Variants in BLNK observed in about 807,000 individuals in gnomAD.
BLNK encodes the protein B-cell linker protein.
Under a neutral mutation model 73.5 loss-of-function variants are expected in BLNK, and 29 were observed. The ratio of observed to expected loss-of-function variants is 0.39; its 90% CI spans 0.29 to 0.54. The LOEUF (loss-of-function observed/expected upper bound fraction) is 0.54. BLNK is among the 20% of genes least tolerant of loss of function. The probability of loss-of-function intolerance (pLI) is 0.61; values close to 1 mark genes in which losing one functional copy is unlikely to be tolerated. For missense variants in BLNK, 460 were observed against 562.8 expected (o/e 0.82, Z 1.85); for synonymous variants, 176 against 200.8 (o/e 0.88, Z 1.04).
At chr10:96,250,697 T>C (rs1241321553) in intron 1 of BLNK, among the ~76,000 whole-genome samples, 1 of 152,196 alleles carries the variant, frequency 6.6e-6, no homozygotes, top group African/African-American at 2.4e-5. Flanking sequence ...GATTTTGCTG[T>C]GGATGTAAAT....
intron 16 of BLNK, among the ~76,000 whole-genome samples, chr10:96,195,246 G>T (rs2083436496): frequency 6.6e-6 from 1 of 152,188 alleles, no homozygotes; most frequent in African/African-American, 2.4e-5. Context: ...ATGGAAAAAA[G>T]TATGGGAGGT....
intron 8 of BLNK, among the ~76,000 whole-genome samples, chr10:96,212,620 T>A (rs1239642216): frequency 6.6e-6 from 1 of 152,114 alleles, no homozygotes; most frequent in African/African-American, 2.4e-5. Context: ...CTGCACCAGA[T>A]TTACTATATC....
intron 6 of BLNK, among the ~76,000 whole-genome samples, chr10:96,220,362 G>A (rs2084169462): frequency 6.6e-6 from 1 of 152,148 alleles, no homozygotes; most frequent in Non-Finnish European, 1.5e-5. Flanking sequence ...TTTCTGGAAT[G>A]GAGACATTTG....
chr10:96,194,112 C>A (rs2133917502), intron 16 of BLNK, among the ~76,000 whole-genome samples: 1 of 152,224 alleles, frequency 6.6e-6, no homozygotes, highest in South Asian at 2.1e-4. Flanking sequence ...TTCCTGTTTA[C>A]CAGAGTTTCC....
At chr10:96,242,628 T>A (rs1411564762) in intron 3 of BLNK, 107 bp downstream of exon 3, 1 of 1,109,442 alleles carries the variant, frequency 9.0e-7, no homozygotes, top group Non-Finnish European at 1.4e-6. Context: ...AAAAGATACC[T>A]TTTGTTTTCA....
chr10:96,240,996 T>C (rs1201149484), intron 3 of BLNK, among the ~76,000 whole-genome samples: 4 of 152,254 alleles, frequency 2.6e-5, no homozygotes, highest in Non-Finnish European at 5.9e-5. Flanking sequence ...CCTCTTTTAG[T>C]GCCAGACTGT....
At chr10:96,216,336 C>T (rs1295301271) in intron 7 of BLNK, 10 of 355,886 alleles carry the variant, frequency 2.8e-5, no homozygotes, top group Non-Finnish European at 5.3e-5. Context: ...TGGCTTGTGA[C>T]ATTGTATTAG....
At chr10:96,193,452 A>G (rs977995382) in intron 16 of BLNK, among the ~76,000 whole-genome samples, 2 of 152,182 alleles carry the variant, frequency 1.3e-5, no homozygotes, top group African/African-American at 4.8e-5. Context: ...TAGTCCCTGA[A>G]TATTTGTGAG....
chr10:96,199,440 C>G, intron 15 of BLNK: 1 of 452,044 alleles, frequency 2.2e-6, no homozygotes, highest in South Asian at 1.6e-5. Flanking sequence ...CTGTTCACTC[C>G]TCAGTGGAGC....
chr10:96,222,273 A>G (rs1376421885), intron 6 of BLNK, among the ~76,000 whole-genome samples: 2 of 152,216 alleles, frequency 1.3e-5, no homozygotes, highest in Non-Finnish European at 2.9e-5. Context: ...TTAAAAGTCC[A>G]TCTTTTCCAT....
At chr10:96,265,999 G>A (rs113798186) in intron 1 of BLNK, among the ~76,000 whole-genome samples, 111 of 152,338 alleles carry the variant, frequency 7.3e-4, no homozygotes, top group African/African-American at 2.5e-3. Flanking sequence ...TATGTCTTGC[G>A]GGAGGCTGGG....
chr10:96,204,166 G>GC, intron 12 of BLNK, 78 bp from the exon 13 acceptor site: 1 of 1,418,372 alleles, frequency 7.1e-7, no homozygotes, highest in Non-Finnish European at 1.0e-6. Context: ...CACTGATGAT[G>GC]CTGTGAACAG....
chr10:96,257,783 G>A (rs73318843), intron 1 of BLNK, among the ~76,000 whole-genome samples: 16,838 of 152,230 alleles, frequency 0.11, 2,969 homozygotes, highest in African/African-American at 0.37. Flanking sequence ...AGGCCACAGA[G>A]CTAACCTGAA....
Position 96,205,835 on chromosome 10 carries a change from C to A in BLNK, c.817+1176G>T, listed in dbSNP as rs587665880. Among the ~76,000 whole-genome samples, 9 of 152,316 alleles carry A rather than the reference C, an allele frequency of 5.9e-5. No individual in the cohort carries two copies. In the East Asian group the frequency reaches 1.7e-3, roughly 29 times the overall value. ...TAAGCAGCAGTGGACATGCCTTGGGCCCTGCTTCTTTCCTGGATTTTGGAG... is the reference window on the plus strand; with the variant it reads ...TAAGCAGCAGTGGACATGCCTTGGGACCTGCTTCTTTCCTGGATTTTGGAG... On this transcript the variant is annotated intron_variant, in intron 11 of 16. Transcript: ENST00000224337.
intron 11 of BLNK, among the ~76,000 whole-genome samples, chr10:96,206,076 T>C (rs2083797217): frequency 6.6e-6 from 1 of 151,938 alleles, no homozygotes; most frequent in African/African-American, 2.4e-5. Context: ...GGAAGCAAGA[T>C]ATGGGAGACA....
chr10:96,198,768 G>A (rs782460515), intron 15 of BLNK, among the ~76,000 whole-genome samples: 3 of 152,132 alleles, frequency 2.0e-5, no homozygotes, highest in South Asian at 4.1e-4. Context: ...GCATGATCTC[G>A]GCTCACTGCA....
intron 2 of BLNK, among the ~76,000 whole-genome samples, chr10:96,243,183 A>C (rs1239500197): frequency 6.6e-6 from 1 of 151,904 alleles, no homozygotes; most frequent in Non-Finnish European, 1.5e-5. Context: ...AATGTTTAAC[A>C]GGAAAAAATC....
chr10:96,270,697 C>T (rs183644915), intron 1 of BLNK, among the ~76,000 whole-genome samples: 1 of 152,182 alleles, frequency 6.6e-6, no homozygotes, highest in Admixed American at 6.5e-5. Flanking sequence ...AGCCATGATG[C>T]CATTACAATG....
At chr10:96,229,257 C>T (rs587727199) in intron 4 of BLNK, among the ~76,000 whole-genome samples, 11 of 149,878 alleles carry the variant, frequency 7.3e-5, no homozygotes, top group African/African-American at 2.4e-4. Flanking sequence ...CCCTTCCCAG[C>T]CTCTGGTAAA....
Sources: allele counts gnomAD v4.1 joint callset (sites outside exome capture counted in the v4.1 genomes callset), GRCh38; gene constraint gnomAD v4.1.1; transcripts MANE v1.5; gene names NCBI Gene and HGNC (gene_info 2026-07-23, HGNC 2026-07-21).